The following CLVS1 variants were observed in gnomAD, a reference collection of about 807,000 sequenced individuals.
CLVS1 encodes clavesin 1.
In CLVS1, 10 loss-of-function variants were observed where a neutral mutation model predicts 33.1. That is an observed-to-expected ratio of 0.30 (90% CI 0.19 to 0.51). The LOEUF is 0.51. CLVS1 is among the 20% of genes least tolerant of loss of function. The pLI is 0.97. For missense variants in CLVS1, 343 were observed against 433.4 expected (o/e 0.79, Z 1.85); for synonymous variants, 163 against 166.1 (o/e 0.98, Z 0.14).
At chr8:61,340,082 G>GA (rs1248861671) in intron 2 of CLVS1, among the ~76,000 whole-genome samples, 1 of 148,170 alleles carries the variant, frequency 6.7e-6, no homozygotes, top group Non-Finnish European at 1.5e-5. Context: ...AAAAAGAAAG[G>GA]AAAGAAAGAA....
At chr8:61,420,468 G>A (rs7003682) in intron 3 of CLVS1, among the ~76,000 whole-genome samples, 3,650 of 152,178 alleles carry the variant, frequency 0.024, 163 homozygotes, top group African/African-American at 0.084. Flanking sequence ...TGGGCATAGT[G>A]TCTCCTGCCT....
chr8:61,458,942 G>T (rs533509186), intron 5 of CLVS1, among the ~76,000 whole-genome samples: 3 of 152,328 alleles, frequency 2.0e-5, no homozygotes, highest in African/African-American at 7.2e-5. Flanking sequence ...CTGCAGCACT[G>T]ATTAGGGACA....
chr8:61,178,266 G>A (rs1264933684), intron 2 of CLVS1, among the ~76,000 whole-genome samples: 2 of 152,084 alleles, frequency 1.3e-5, no homozygotes, highest in Non-Finnish European at 2.9e-5. Flanking sequence ...AGACTATCCT[G>A]CTGAAATAAA....
the CLVS1 span, among the ~76,000 whole-genome samples, chr8:61,028,977 C>A: frequency 1.3e-5 from 2 of 152,180 alleles, no homozygotes; most frequent in African/African-American, 2.4e-5. Context: ...GGGACTTCCC[C>A]AAGAACACAC....
At chr8:61,356,990 C>T (rs62524923) in intron 2 of CLVS1, among the ~76,000 whole-genome samples, 4 of 152,132 alleles carry the variant, frequency 2.6e-5, no homozygotes, top group African/African-American at 9.7e-5. Context: ...CTTGAATCTA[C>T]AAATTACCTT....
chr8:61,435,883 C>T (rs571070906), intron 3 of CLVS1, among the ~76,000 whole-genome samples: 2 of 152,220 alleles, frequency 1.3e-5, no homozygotes, highest in African/African-American at 4.8e-5. Flanking sequence ...TTCTTGAATT[C>T]ATCTTTCCCC....
chr8:61,367,391 C>A (rs930789603), intron 2 of CLVS1, among the ~76,000 whole-genome samples: 1 of 152,222 alleles, frequency 6.6e-6, no homozygotes, highest in Admixed American at 6.5e-5. Flanking sequence ...TAAGCTCTTA[C>A]TATTGTTTAT....
At chr8:61,251,491 C>T (rs201109654) in intron 2 of CLVS1, among the ~76,000 whole-genome samples, 1 of 152,098 alleles carries the variant, frequency 6.6e-6, no homozygotes, top group Non-Finnish European at 1.5e-5. Flanking sequence ...AGGAATGGTA[C>T]CAGCTCCTCT....
chr8:61,037,998 G>A, the CLVS1 span, among the ~76,000 whole-genome samples: 9 of 152,156 alleles, frequency 5.9e-5, no homozygotes, highest in African/African-American at 2.2e-4. Context: ...GCAGTGCAGA[G>A]TGGGAGGTAA....
At chr8:61,179,337 T>A (rs1807184257) in intron 2 of CLVS1, among the ~76,000 whole-genome samples, 1 of 152,332 alleles carries the variant, frequency 6.6e-6, no homozygotes, top group African/African-American at 2.4e-5. Context: ...CCAAGATTCA[T>A]AAAACAAGTT....
intron 3 of CLVS1, among the ~76,000 whole-genome samples, chr8:61,392,011 C>G (rs969110448): frequency 6.6e-5 from 10 of 152,038 alleles, no homozygotes; most frequent in African/African-American, 1.2e-4. Context: ...TGGTTTTGTT[C>G]TATAATGCTT....
intron 3 of CLVS1, among the ~76,000 whole-genome samples, chr8:61,443,721 G>A (rs944240333): frequency 1.3e-5 from 2 of 151,832 alleles, no homozygotes; most frequent in African/African-American, 4.8e-5. Context: ...AACTATTCCA[G>A]GGCCTATGTT....
chr8:61,205,896 A>G (rs941604294), intron 2 of CLVS1, among the ~76,000 whole-genome samples: 1 of 152,158 alleles, frequency 6.6e-6, no homozygotes, highest in African/African-American at 2.4e-5. Flanking sequence ...TAAATTGTTT[A>G]TATTTTTAGA....
chr8:61,333,193 G>T (rs747591084), intron 2 of CLVS1, among the ~76,000 whole-genome samples: 1 of 152,020 alleles, frequency 6.6e-6, no homozygotes, highest in African/African-American at 2.4e-5. Context: ...TTTCAGTTAG[G>T]GTAAGAATAA....
At chr8:61,256,241 G>A (rs544822670) in intron 2 of CLVS1, among the ~76,000 whole-genome samples, 4 of 152,272 alleles carry the variant, frequency 2.6e-5, no homozygotes, top group Non-Finnish European at 4.4e-5. Context: ...TTAGCCAGGC[G>A]CGGTGGCTCA....
chr8:61,312,877 C>T (rs1585787845), intron 2 of CLVS1, among the ~76,000 whole-genome samples: 1 of 152,196 alleles, frequency 6.6e-6, no homozygotes, highest in Admixed American at 6.5e-5. Context: ...TGATGACTCA[C>T]AATTTGTTGC....
intron 1 of CLVS1, among the ~76,000 whole-genome samples, chr8:61,297,307 A>G (rs1327814748): frequency 6.6e-6 from 1 of 152,192 alleles, no homozygotes; most frequent in African/African-American, 2.4e-5. Flanking sequence ...GACTGGCAGC[A>G]AGCGTATCAA....
chr8:61,369,104 C>T (rs1466828255), intron 2 of CLVS1, among the ~76,000 whole-genome samples: 5 of 151,902 alleles, frequency 3.3e-5, no homozygotes, highest in South Asian at 2.1e-4. Flanking sequence ...ATATGAGCCT[C>T]ATCAAGTTAT....
At chr8:60,991,905 C>T in the CLVS1 span, among the ~76,000 whole-genome samples, 1 of 151,988 alleles carries the variant, frequency 6.6e-6, no homozygotes, top group Non-Finnish European at 1.5e-5. Flanking sequence ...TGTCACTGCA[C>T]CCAGCTAATT....
Sources: gnomAD v4.1 joint callset for allele counts (sites outside exome capture counted in the v4.1 genomes callset) on GRCh38, gnomAD v4.1.1 for gene constraint, MANE v1.5 for transcripts, NCBI Gene and HGNC (gene_info 2026-07-23, HGNC 2026-07-21) for gene names.